CD8B2: variants seen among roughly 807,000 people sequenced by gnomAD.
The protein encoded by CD8B2 is CD8B family member 2, also known as T-cell surface glycoprotein CD8 beta-2 chain.
Under a neutral mutation model 23.7 loss-of-function variants are expected in CD8B2, and 11 were observed. The ratio of observed to expected loss-of-function variants is 0.46; its 90% CI spans 0.29 to 0.77. The LOEUF (loss-of-function observed/expected upper bound fraction) is 0.77, where lower values mean the gene tolerates loss of function less well. Among genes scored for constraint, CD8B2 ranks in the 30% least tolerant of loss-of-function variants. The pLI, the probability that CD8B2 is intolerant of heterozygous loss-of-function variation, is 0.09. For missense variants in CD8B2, 197 were observed against 270.5 expected (o/e 0.73, Z 1.91); for synonymous variants, 90 against 109.3 (o/e 0.82, Z 1.10).
chr2:106,493,047 A>G (rs903258638), intron 2 of CD8B2, among the ~76,000 whole-genome samples: 11 of 151,790 alleles, frequency 7.2e-5, no homozygotes, highest in African/African-American at 1.5e-4. Flanking sequence ...TCCCAACCGC[A>G]CTCACTCCTG....
intron 2 of CD8B2, among the ~76,000 whole-genome samples, chr2:106,494,878 T>TTA (rs1281233345): frequency 6.6e-6 from 1 of 152,222 alleles, no homozygotes; most frequent in East Asian, 1.9e-4. Context: ...AGCTCTGATA[T>TTA]TATATATATA....
chr2:106,490,885 A>G lies in CD8B2; in HGVS notation c.55A>G (p.Asn19Asp). 6.4e-7 allele frequency: 1 copy of G among 1,574,646 alleles called. No homozygotes were observed. The highest frequency in any genetic ancestry group is 8.6e-7 in the Non-Finnish European group (1 of 1,159,774). The change falls in exon 2 of 6, where the codon AAC becomes GAC. Residue 19 changes from asparagine to aspartate, a missense_variant. This residue lies in a region of CD8B2 where 140 missense variants were observed against 164.2 expected (regional missense o/e 0.85). Coordinates refer to ENST00000643224, the MANE Select transcript of CD8B2 (RefSeq NM_001349727.2). Reference sequence around the variant, plus strand: ...TTGGCTTTTCCTAGTTCTCCATGGCAACTCAGTCCTCCAGCAGACCCCTGC... The same window carrying G: ...TTGGCTTTTCCTAGTTCTCCATGGCGACTCAGTCCTCCAGCAGACCCCTGC... ...LAAQLTVLHG[N>D]SVLQQTPAYI...
intron 5 of CD8B2, among the ~76,000 whole-genome samples, chr2:106,519,264 T>C (rs1418921234): frequency 1.3e-5 from 2 of 152,236 alleles, no homozygotes; most frequent in Non-Finnish European, 2.9e-5. Flanking sequence ...TTTATTCATC[T>C]CTCTGGCCAC....
At chr2:106,518,134 C>T (rs1679765961) in intron 5 of CD8B2, among the ~76,000 whole-genome samples, 1 of 152,150 alleles carries the variant, frequency 6.6e-6, no homozygotes, top group South Asian at 2.1e-4. Flanking sequence ...AGCATGGTGT[C>T]TTGTATGCAG....
At chr2:106,516,412 G>A (rs1032148228) in intron 5 of CD8B2, among the ~76,000 whole-genome samples, 1 of 152,102 alleles carries the variant, frequency 6.6e-6, no homozygotes, top group Admixed American at 6.5e-5. Context: ...CTTCTTTCCC[G>A]ATGTACCCCT....
chr2:106,542,211 A>G (rs1680185271), intron 5 of CD8B2, among the ~76,000 whole-genome samples: 2 of 152,354 alleles, frequency 1.3e-5, no homozygotes, highest in South Asian at 2.1e-4. Context: ...TTGTCTGCAC[A>G]GCATTTTGCG....
intron 5 of CD8B2, chr2:106,537,934 A>G (rs1680114534): frequency 6.6e-6 from 1 of 152,188 alleles, no homozygotes; most frequent in Non-Finnish European, 1.5e-5. Context: ...AGGGTAATGA[A>G]TGTAAAATAA....
chr2:106,496,677 A>G (rs914010454), intron 3 of CD8B2, among the ~76,000 whole-genome samples: 6 of 152,024 alleles, frequency 3.9e-5, no homozygotes, highest in African/African-American at 1.5e-4. Context: ...CATATACTAT[A>G]TGATTCCATG....
intron 1 of CD8B2, among the ~76,000 whole-genome samples, chr2:106,490,576 G>A (rs532825515): frequency 3.1e-3 from 476 of 152,302 alleles, no homozygotes; most frequent in South Asian, 5.8e-3. Flanking sequence ...GCTTGATTGA[G>A]TTCCTTTATG....
At chr2:106,538,908 C>T (rs1396982276) in intron 5 of CD8B2, among the ~76,000 whole-genome samples, 3 of 152,328 alleles carry the variant, frequency 2.0e-5, no homozygotes, top group Middle Eastern at 3.4e-3. Flanking sequence ...GTGTCCCCCT[C>T]CCAGAGCTTG....
chr2:106,525,946 T>TA (rs1400490719), intron 5 of CD8B2, among the ~76,000 whole-genome samples: 2 of 152,220 alleles, frequency 1.3e-5, no homozygotes, highest in African/African-American at 2.4e-5. Context: ...ACACTTTTTT[T>TA]AAAAAAATTA....
chr2:106,506,307 G>A (rs1351597966), intron 5 of CD8B2, among the ~76,000 whole-genome samples: 1 of 152,030 alleles, frequency 6.6e-6, no homozygotes, highest in Non-Finnish European at 1.5e-5. Flanking sequence ...AGGACCTCAT[G>A]CTTTTGCAAG....
At chr2:106,542,938 C>T (rs1680200147) in intron 5 of CD8B2, 1 of 152,114 alleles carries the variant, frequency 6.6e-6, no homozygotes, top group African/African-American at 2.4e-5. Flanking sequence ...CCGTGTGTTC[C>T]AGCGCAGAAC....
At chr2:106,504,005 T>C (rs1484521587) in intron 4 of CD8B2, among the ~76,000 whole-genome samples, 2 of 152,196 alleles carry the variant, frequency 1.3e-5, no homozygotes. Flanking sequence ...ATTCTGGCTT[T>C]CCCACTTACT....
chr2:106,522,539 A>G (rs1284687820), intron 5 of CD8B2, among the ~76,000 whole-genome samples: 1 of 152,182 alleles, frequency 6.6e-6, no homozygotes, highest in Non-Finnish European at 1.5e-5. Context: ...TACTCTGTTC[A>G]GTCTTTGCCA....
intron 5 of CD8B2, among the ~76,000 whole-genome samples, chr2:106,528,910 C>A (rs560693928): frequency 7.9e-5 from 12 of 152,308 alleles, no homozygotes; most frequent in African/African-American, 2.6e-4. Flanking sequence ...AGAGACAGTA[C>A]GATCCTGAAA....
chr2:106,523,562 T>TG (rs779251962), intron 5 of CD8B2, among the ~76,000 whole-genome samples: 1 of 152,110 alleles, frequency 6.6e-6, no homozygotes, highest in South Asian at 2.1e-4. Flanking sequence ...TGTGATGCAC[T>TG]GGGGGGCAAT....
At chr2:106,511,566 C>T (rs1679631953), downstream of CD8B2, among the ~76,000 whole-genome samples, 1 of 151,756 alleles carries the variant, frequency 6.6e-6, no homozygotes. Flanking sequence ...CTCATCCTCA[C>T]CCCCGCCCCG....
At chr2:106,520,742 C>T (rs1679810710) in intron 5 of CD8B2, among the ~76,000 whole-genome samples, 2 of 152,052 alleles carry the variant, frequency 1.3e-5, no homozygotes, top group South Asian at 4.2e-4. Flanking sequence ...TGGTGCCCCA[C>T]ACCTGTAATC....
Sources: gnomAD v4.1 joint callset for allele counts (sites outside exome capture counted in the v4.1 genomes callset) on GRCh38, gnomAD v4.1.1 for gene constraint, gnomAD v4.1.1 regional missense constraint, MANE v1.5 for transcripts, NCBI Gene and HGNC (gene_info 2026-07-23, HGNC 2026-07-21) for gene names.